Variants in DLG2 observed in about 807,000 individuals in gnomAD.
DLG2 encodes discs large MAGUK scaffold protein 2.
DLG2 carries 45 observed loss-of-function variants against 132.5 expected under a neutral mutation model. That is an observed-to-expected ratio of 0.34 (90% confidence interval 0.27 to 0.44). The LOEUF (loss-of-function observed/expected upper bound fraction) is 0.44. DLG2 is among the 20% of genes least tolerant of loss of function. The pLI is 1.00. For missense variants in DLG2, 1,045 were observed against 1,196.9 expected (o/e 0.87, Z 1.87); for synonymous variants, 424 against 419.6 (o/e 1.01, Z -0.13).
rs535792551 is a variant in DLG2 at position 84,858,147 on chromosome 11, C to G, written c.357+253514G>C. 1.3e-3 allele frequency among the ~76,000 whole-genome samples: 205 copies of G among 152,188 alleles called. 1 individual carries two copies. Among genetic ancestry groups the G allele is most frequent in the African/African-American group, 4.8e-3 (198 of 41,526 alleles). The stretch of plus-strand genomic sequence containing the variant: ...AGCTCAAGTGATCTGCCTGCCTCAG[C>G]CTCCTAAAGTGCTGGGATTACAGGC... On this transcript the variant is annotated intron_variant, in intron 6 of 27. Coordinates refer to ENST00000376104, the MANE Select transcript of DLG2 (RefSeq NM_001142699.3).
intron 15 of DLG2, among the ~76,000 whole-genome samples, chr11:83,929,526 G>A (rs896900819): frequency 3.3e-5 from 5 of 152,154 alleles, no homozygotes; most frequent in Non-Finnish European, 7.4e-5. Context: ...ATAGGCTTTG[G>A]AATACTAACA....
chr11:83,975,396 C>T (rs1305729755), intron 12 of DLG2, among the ~76,000 whole-genome samples: 1 of 151,778 alleles, frequency 6.6e-6, no homozygotes, highest in Non-Finnish European at 1.5e-5. Flanking sequence ...TTCTAAGTGA[C>T]AAAGGAAATT....
At chr11:84,305,549 T>C (rs886782448) in intron 7 of DLG2, among the ~76,000 whole-genome samples, 5 of 152,168 alleles carry the variant, frequency 3.3e-5, no homozygotes, top group African/African-American at 7.2e-5. Flanking sequence ...CTTACTGATA[T>C]GTTTAATGTC....
In DLG2 at chr11:85,559,859, G is replaced by GATAGATAGAGAT. The variant is rs879376647; in HGVS notation, c.40+38797_40+38798insATCTCTATCTAT. 2.0e-3 allele frequency among the ~76,000 whole-genome samples: 298 copies of GATAGATAGAGAT among 149,772 alleles called. 2 individuals carry two copies. The highest frequency in any genetic ancestry group is 6.3e-3 in the African/African-American group (256 of 40,442). On this transcript the variant is annotated intron_variant, in intron 3 of 27. Transcript: ENST00000376104. ...AGATAGATAGATAGATAGATAGATA[G>GATAGATAGAGAT]AGATAAATATCCCTGGTGTAAAGTG... is the stretch of plus-strand genomic sequence containing the variant.
At position 85,067,890 on chromosome 11, in the gene DLG2, C is replaced by T. The variant is rs562425597; in HGVS notation, c.357+43771G>A. Among the ~76,000 whole-genome samples, 7 of 152,098 alleles carry T rather than the reference C, an allele frequency of 4.6e-5. No individual in the cohort carries two copies. The East Asian group carries it at 9.7e-4, about 21-fold the overall frequency. ...CCAATATCCCTGATGAACATCGATG[C>T]AAAAATCTCCAATAAAATACTGGCA... On this transcript the variant is annotated intron_variant, in intron 6 of 27. Transcript: ENST00000376104.
chr11:85,190,092 T>C (rs902375638), intron 4 of DLG2, among the ~76,000 whole-genome samples: 2 of 152,248 alleles, frequency 1.3e-5, no homozygotes, highest in Non-Finnish European at 2.9e-5. Context: ...TTGTTCATCC[T>C]AGCAAAGGAT....
intron 11 of DLG2, among the ~76,000 whole-genome samples, chr11:84,009,466 T>C (rs1170314945): frequency 6.6e-6 from 1 of 152,104 alleles, no homozygotes; most frequent in African/African-American, 2.4e-5. Context: ...ATTTTTTTTC[T>C]GATCTATTCT....
At chr11:84,537,702 G>T (rs897079562) in intron 6 of DLG2, among the ~76,000 whole-genome samples, 1 of 152,148 alleles carries the variant, frequency 6.6e-6, no homozygotes, top group Non-Finnish European at 1.5e-5. Flanking sequence ...CCACGGAACT[G>T]TAAAATCTTG....
intron 3 of DLG2, among the ~76,000 whole-genome samples, chr11:85,392,829 G>C (rs1258544753): frequency 6.6e-6 from 1 of 152,092 alleles, no homozygotes; most frequent in Non-Finnish European, 1.5e-5. Flanking sequence ...ATCAACTCAA[G>C]ATGGATCAAA....
At chr11:85,469,523 G>A (rs1402627515) in intron 3 of DLG2, 1 of 152,176 alleles carries the variant, frequency 6.6e-6, no homozygotes, top group African/African-American at 2.4e-5. Flanking sequence ...AAACTACTCT[G>A]GTATGATCAC....
chr11:85,116,166 C>A (rs552776144), intron 5 of DLG2, among the ~76,000 whole-genome samples: 5 of 152,006 alleles, frequency 3.3e-5, no homozygotes, highest in Admixed American at 6.6e-5. Context: ...TGCAAATGGA[C>A]TGTGAGTTGT....
chr11:83,890,408 C>T (rs2069428017), intron 15 of DLG2, among the ~76,000 whole-genome samples: 1 of 152,046 alleles, frequency 6.6e-6, no homozygotes. Context: ...CTCAGTGGCC[C>T]TAGATAAGTC....
At chr11:84,155,609 C>T (rs749559519) in intron 9 of DLG2, among the ~76,000 whole-genome samples, 1 of 151,734 alleles carries the variant, frequency 6.6e-6, no homozygotes, top group Non-Finnish European at 1.5e-5. Context: ...GGGTATGGGG[C>T]CACTGGTAGT....
At chr11:84,936,967 A>T (rs2048820861) in intron 6 of DLG2, among the ~76,000 whole-genome samples, 1 of 152,174 alleles carries the variant, frequency 6.6e-6, no homozygotes, top group South Asian at 2.1e-4. Flanking sequence ...AGCCTGGCCA[A>T]CATGGTAAAA....
chr11:84,947,887 A>G (rs2050419461), intron 6 of DLG2, among the ~76,000 whole-genome samples: 1 of 152,224 alleles, frequency 6.6e-6, no homozygotes, highest in African/African-American at 2.4e-5. Context: ...TAGGCAATTT[A>G]TTCATTAGAC....
intron 4 of DLG2, among the ~76,000 whole-genome samples, chr11:85,263,847 C>T (rs1436516785): frequency 6.6e-6 from 1 of 152,126 alleles, no homozygotes; most frequent in Admixed American, 6.6e-5. Context: ...CTGGCTGAAG[C>T]TGACATCATA....
chr11:85,368,741 A>T (rs2152913179), intron 3 of DLG2, among the ~76,000 whole-genome samples: 2 of 152,310 alleles, frequency 1.3e-5, no homozygotes, highest in African/African-American at 4.8e-5. Context: ...CTAGGGTCAC[A>T]CCTGTTTCCC....
In DLG2 at chr11:83,480,703, G is replaced by T; in HGVS notation, c.2293+3426C>A. ...ATTTAGGCGATTAGAAAAATACTAT[G>T]ACCCATTCATATACCTCTGACTTTC... On this transcript the variant is annotated intron_variant, in intron 22 of 27. Transcript: ENST00000376104. 5 of 1,327,652 alleles carry T rather than the reference G, an allele frequency of 3.8e-6. No homozygotes were observed. The South Asian group carries it at 5.1e-5, about 13-fold the overall frequency. The allele number at this position is 1,327,652 out of a possible 1,614,324, so 82.2% of individuals were successfully genotyped here. A position where few individuals can be genotyped will look rare whatever the true frequency, so the allele number is the denominator to read the frequency against.
chr11:85,508,295 G>A, intron 3 of DLG2, among the ~76,000 whole-genome samples: 1 of 151,934 alleles, frequency 6.6e-6, no homozygotes, highest in East Asian at 1.9e-4. Context: ...CTCTGCTGCA[G>A]CCACAGTGAC....
Sources: gnomAD v4.1 joint callset for allele counts (sites outside exome capture counted in the v4.1 genomes callset) on GRCh38, gnomAD v4.1.1 for gene constraint, MANE v1.5 for transcripts, NCBI Gene and HGNC (gene_info 2026-07-23, HGNC 2026-07-21) for gene names.